The following EYA2 variants were observed in gnomAD, a reference collection of about 807,000 sequenced individuals.
EYA2 encodes the protein EYA transcriptional coactivator and phosphatase 2.
EYA2 carries 31 observed loss-of-function variants against 69.2 expected under a neutral mutation model. The ratio of observed to expected loss-of-function variants is 0.45; its 90% CI spans 0.34 to 0.60. The LOEUF (loss-of-function observed/expected upper bound fraction) is 0.60, where lower values mean the gene tolerates loss of function less well. Ranked by LOEUF, EYA2 falls within the 20% of genes least tolerant of loss-of-function variation. EYA2 has a pLI of 0.02. For synonymous variants in EYA2, 257 were observed against 279.4 expected, an observed-to-expected ratio of 0.92 and a Z score of 0.80; for missense variants, 622 against 701.2, an observed-to-expected ratio of 0.89 and a Z score of 1.28.
chr20:47,039,014 T>C (rs6124924), intron 5 of EYA2, among the ~76,000 whole-genome samples: 14,800 of 152,178 alleles, frequency 0.097, 1,101 homozygotes, highest in East Asian at 0.31. Flanking sequence ...TCACCCAGCC[T>C]GGGTCCCTGG....
In EYA2 at chr20:47,074,242, A is replaced by G. The variant is rs1167962702; in HGVS notation, c.568A>G (p.Ser190Gly). The G allele has an allele frequency of 2.5e-6, 4 of 1,613,794 alleles. No homozygotes were observed. The East Asian group carries it at 8.9e-5, about 36-fold the overall frequency. ...SSYNPPYVPA[S>G]SICPSPLSTS... is the part of the protein sequence containing the mutation. ...CTACAACCCTCCCTACGTCCCGGCC[A>G]GCAGCATCTGCCCTTCGCCCCTCTC... Residue 190 changes from serine (S) to glycine (G), a missense_variant, in exon 7 of 16, where the codon AGC becomes GGC. By Grantham distance (56) the Ser-to-Gly change is moderately conservative. This residue lies in a region of EYA2 where 365 missense variants were observed against 349.7 expected (regional missense o/e 1.04). Transcript: ENST00000327619.
chr20:47,035,099 T>C (rs1984622139), intron 5 of EYA2, among the ~76,000 whole-genome samples: 2 of 152,214 alleles, frequency 1.3e-5, no homozygotes, highest in Admixed American at 1.3e-4. Flanking sequence ...GACGCAACTC[T>C]ACCCACGACA....
chr20:47,117,459 G>C (rs940541947), intron 9 of EYA2: 1 of 985,120 alleles, frequency 1.0e-6, no homozygotes, highest in African/African-American at 1.7e-5. Context: ...ACAGCTCCTC[G>C]ACCGGCTCCT....
chr20:47,095,013 C>CA (rs111392885), intron 8 of EYA2, among the ~76,000 whole-genome samples: 46,298 of 150,816 alleles, frequency 0.31, 8,828 homozygotes, highest in Non-Finnish European at 0.42. Flanking sequence ...GGCCCTGTCT[C>CA]AAAAAAAATT....
At chr20:47,126,327 G>A (rs896119114) in intron 9 of EYA2, among the ~76,000 whole-genome samples, 12 of 152,214 alleles carry the variant, frequency 7.9e-5, no homozygotes, top group Admixed American at 1.3e-4. Flanking sequence ...AGTGCTTGCC[G>A]CAAGCCGCCC....
chr20:47,128,640 A>G (rs1046644188), intron 9 of EYA2, among the ~76,000 whole-genome samples: 8 of 152,100 alleles, frequency 5.3e-5, no homozygotes, highest in Admixed American at 4.6e-4. Context: ...AAAATGGTTA[A>G]GATTTTGGAT....
chr20:47,167,068 C>T (rs78308190), intron 10 of EYA2: 2,311 of 154,778 alleles, frequency 0.015, 59 homozygotes, highest in African/African-American at 0.051. Context: ...AGGTGTGCAT[C>T]GTGTAGGCTC....
At chr20:47,137,816 A>G (rs1043539548) in intron 9 of EYA2, among the ~76,000 whole-genome samples, 2 of 152,248 alleles carry the variant, frequency 1.3e-5, no homozygotes, top group Non-Finnish European at 2.9e-5. Context: ...GCCATAAAAA[A>G]TGATGGGTTC....
intron 12 of EYA2, 56 bp from the exon 13 acceptor site, chr20:47,179,742 T>G: frequency 7.7e-7 from 1 of 1,299,692 alleles, no homozygotes; most frequent in South Asian, 1.2e-5. Flanking sequence ...TTCCCTACCT[T>G]CATCCCCCAG....
chr20:47,171,388 TTTTTG>T (rs374620038), intron 11 of EYA2, among the ~76,000 whole-genome samples: 2,594 of 152,276 alleles, frequency 0.017, 41 homozygotes, highest in African/African-American at 0.047. Context: ...CTTGTTTGTT[TTTTTG>T]TTTTGTTTTG....
intron 1 of EYA2, among the ~76,000 whole-genome samples, chr20:46,950,096 A>G (rs1978706412): frequency 1.3e-5 from 2 of 152,230 alleles, no homozygotes; most frequent in South Asian, 2.1e-4. Flanking sequence ...GTAAGCTCCC[A>G]GTAATCAAAA....
At position 47,030,247 on chromosome 20, in the gene EYA2, A is replaced by T. The variant is rs531882861; in HGVS notation, c.415+13950A>T. On this transcript the variant is annotated intron_variant, in intron 5 of 15. Transcript: ENST00000327619. ...TTGCTGGACTCTCCACACATTGCAG[A>T]ATGTCTGCACCTCTGTCACCTGCCC... is the stretch of plus-strand genomic sequence containing the variant. Among the ~76,000 whole-genome samples the T allele has an allele frequency of 1.6e-3, 239 of 152,324 alleles. 1 individual carries two copies. Among genetic ancestry groups the T allele is most frequent in the African/African-American group, 5.6e-3 (231 of 41,568 alleles).
At chr20:47,140,568 G>A (rs1033834326) in intron 9 of EYA2, among the ~76,000 whole-genome samples, 6 of 152,236 alleles carry the variant, frequency 3.9e-5, no homozygotes, top group African/African-American at 9.6e-5. Context: ...GGCCCCTGTC[G>A]CTCCTCTCCC....
chr20:47,034,562 G>A (rs1455199731), intron 5 of EYA2, among the ~76,000 whole-genome samples: 1 of 152,102 alleles, frequency 6.6e-6, no homozygotes, highest in African/African-American at 2.4e-5. Flanking sequence ...AAGGCGAGGA[G>A]GGATCCCCAA....
In EYA2 at chr20:47,097,552, C is replaced by T. The variant is rs139346843; in HGVS notation, c.888+384C>T. Reference sequence around the variant, plus strand: ...TCCCTGTTGTTTATCCTAGTGTCTCCGGCAGATGAATTTAATTTTCCTTCT... The same window carrying T: ...TCCCTGTTGTTTATCCTAGTGTCTCTGGCAGATGAATTTAATTTTCCTTCT... On this transcript the variant is annotated intron_variant, in intron 9 of 15. Coordinates refer to ENST00000327619, the MANE Select transcript of EYA2 (RefSeq NM_005244.5). 5.0e-3 allele frequency among the ~76,000 whole-genome samples: 761 copies of T among 152,252 alleles called. 6 individuals are homozygous for T. Among genetic ancestry groups the T allele is most frequent in the African/African-American group, 0.017 (709 of 41,540 alleles).
intron 9 of EYA2, among the ~76,000 whole-genome samples, chr20:47,122,332 C>T (rs1196483220): frequency 1.8e-5 from 2 of 109,782 alleles, no homozygotes; most frequent in Admixed American, 2.7e-4. Flanking sequence ...CTTATTCTGT[C>T]GCCTAGGCTG....
chr20:47,131,942 T>G (rs1308878026), intron 9 of EYA2, among the ~76,000 whole-genome samples: 1 of 152,192 alleles, frequency 6.6e-6, no homozygotes, highest in African/African-American at 2.4e-5. Flanking sequence ...GATAACAAGT[T>G]TCTTTCTAAA....
intron 5 of EYA2, among the ~76,000 whole-genome samples, chr20:47,057,510 A>AACC (rs2030686477): frequency 1.1e-5 from 1 of 94,768 alleles, no homozygotes; most frequent in Non-Finnish European, 2.4e-5. Flanking sequence ...TTTTTATATC[A>AACC]CCCCCCCCCC....
intron 1 of EYA2, among the ~76,000 whole-genome samples, chr20:46,928,730 T>C (rs1170191958): frequency 6.6e-6 from 1 of 152,252 alleles, no homozygotes; most frequent in African/African-American, 2.4e-5. Flanking sequence ...GGATTGTCGA[T>C]GTAACATTTG....
Sources: allele counts gnomAD v4.1 joint callset (sites outside exome capture counted in the v4.1 genomes callset), GRCh38; gene constraint gnomAD v4.1.1; regional missense constraint gnomAD v4.1.1; transcripts MANE v1.5; gene names NCBI Gene and HGNC (gene_info 2026-07-23, HGNC 2026-07-21).